FHIT: variants seen among roughly 807,000 people sequenced by gnomAD.
FHIT encodes bis(5'-adenosyl)-triphosphatase.
A neutral mutation model predicts 17.9 loss-of-function variants in FHIT; 19 were observed. The ratio of observed to expected loss-of-function variants is 1.06; its 90% CI spans 0.74 to 1.56. The LOEUF is 1.56. FHIT is among the 40% of genes most tolerant of loss of function. The pLI, the probability that FHIT is intolerant of heterozygous loss-of-function variation, is 0.00. For synonymous variants in FHIT, 81 were observed against 69.7 expected (o/e 1.16, Z -0.81); for missense variants, 248 against 189.2 (o/e 1.31, Z -1.82).
At chr3:60,988,912 CT>C (rs34551612) in intron 3 of FHIT, among the ~76,000 whole-genome samples, 20 of 80,318 alleles carry the variant, frequency 2.5e-4, no homozygotes, top group East Asian at 7.7e-4. Context: ...TGTTAAAAGG[CT>C]TTTTTTTTTT....
In FHIT at chr3:60,824,229, G is replaced by A. The variant is rs954867806; in HGVS notation, c.-110-2218C>T. ...TCCTGGTGAATAAAGGTGCTAGCCA[G>A]GTAGCACACAGGAGAGTGAAAACTG... On this transcript the variant is annotated intron_variant, in intron 3 of 9. Transcript: ENST00000492590. 2.6e-5 allele frequency among the ~76,000 whole-genome samples: 4 copies of A among 152,316 alleles called. No individual in the cohort carries two copies. The South Asian group carries it at 8.3e-4, about 32-fold the overall frequency.
intron 5 of FHIT, among the ~76,000 whole-genome samples, chr3:60,173,679 T>G (rs1701518005): frequency 6.6e-6 from 1 of 151,230 alleles, no homozygotes; most frequent in South Asian, 2.1e-4. Flanking sequence ...GCTGCAGAAT[T>G]TTGGAGAATT....
At chr3:60,101,998 T>C (rs1413526474) in intron 5 of FHIT, among the ~76,000 whole-genome samples, 5 of 152,222 alleles carry the variant, frequency 3.3e-5, no homozygotes, top group Non-Finnish European at 7.3e-5. Flanking sequence ...TCCTCTAGGA[T>C]TTCAAAAGAA....
At chr3:59,841,161 C>G (rs1701520423) in intron 8 of FHIT, among the ~76,000 whole-genome samples, 1 of 152,132 alleles carries the variant, frequency 6.6e-6, no homozygotes, top group South Asian at 2.1e-4. Flanking sequence ...ATGAAAAGGT[C>G]AGATGATCTT....
chr3:60,690,650 G>A (rs926640792), intron 4 of FHIT: 1 of 513,382 alleles, frequency 1.9e-6, no homozygotes. Context: ...TCTGCAAACA[G>A]CTCGAAGGAG....
chr3:60,011,718 T>A (rs1446312978), intron 6 of FHIT, among the ~76,000 whole-genome samples: 1 of 152,190 alleles, frequency 6.6e-6, no homozygotes, highest in Non-Finnish European at 1.5e-5. Flanking sequence ...AGGTGAAGTA[T>A]CACACCTTCT....
intron 5 of FHIT, among the ~76,000 whole-genome samples, chr3:60,170,043 T>C (rs1167975308): frequency 6.6e-6 from 1 of 152,184 alleles, no homozygotes; most frequent in Non-Finnish European, 1.5e-5. Context: ...TTTCACCTAC[T>C]CACAGTTCAC....
intron 5 of FHIT, among the ~76,000 whole-genome samples, chr3:60,344,383 C>A: frequency 6.6e-6 from 1 of 152,142 alleles, no homozygotes; most frequent in South Asian, 2.1e-4. Context: ...GCAGCTAATG[C>A]ATAGAAATAC....
chr3:60,281,756 T>C (rs1397828912), intron 5 of FHIT, among the ~76,000 whole-genome samples: 1 of 152,042 alleles, frequency 6.6e-6, no homozygotes, highest in Non-Finnish European at 1.5e-5. Flanking sequence ...GGAAAAATAC[T>C]AGATTTGAGT....
intron 2 of FHIT, among the ~76,000 whole-genome samples, chr3:61,093,029 G>C (rs540615837): frequency 1.3e-5 from 2 of 152,308 alleles, no homozygotes; most frequent in East Asian, 1.9e-4. Context: ...GGCACACAGA[G>C]CTAAGACAAA....
At chr3:60,806,276 A>C (rs1701384539) in intron 4 of FHIT, among the ~76,000 whole-genome samples, 1 of 152,300 alleles carries the variant, frequency 6.6e-6, no homozygotes, top group Middle Eastern at 3.4e-3. Context: ...TCTCCTGTTA[A>C]AGCCATTGCC....
chr3:60,933,578 G>T (rs949192286), intron 3 of FHIT, among the ~76,000 whole-genome samples: 1 of 152,180 alleles, frequency 6.6e-6, no homozygotes, highest in East Asian at 1.9e-4. Context: ...CGGGTGTGTA[G>T]AGTAGGAAGT....
At chr3:60,893,193 A>C (rs2107183929) in intron 3 of FHIT, among the ~76,000 whole-genome samples, 1 of 152,308 alleles carries the variant, frequency 6.6e-6, no homozygotes, top group South Asian at 2.1e-4. Flanking sequence ...CACACGGAGA[A>C]GAAACTCCAG....
At chr3:60,965,934 C>T (rs377290053) in intron 3 of FHIT, among the ~76,000 whole-genome samples, 39 of 152,298 alleles carry the variant, frequency 2.6e-4, no homozygotes, top group African/African-American at 8.4e-4. Flanking sequence ...TCTCAAACTC[C>T]GTGCTGGGAG....
At chr3:60,319,279 C>A (rs1463140489) in intron 5 of FHIT, among the ~76,000 whole-genome samples, 1 of 152,142 alleles carries the variant, frequency 6.6e-6, no homozygotes, top group Non-Finnish European at 1.5e-5. Context: ...CCCACCCACT[C>A]ACCCATCACC....
At chr3:60,936,927 C>T (rs1011986747) in intron 3 of FHIT, among the ~76,000 whole-genome samples, 4 of 152,082 alleles carry the variant, frequency 2.6e-5, no homozygotes, top group Non-Finnish European at 5.9e-5. Flanking sequence ...TTGATGAGGC[C>T]AAATTGTATT....
At chr3:60,185,501 C>A (rs1032578715) in intron 5 of FHIT, among the ~76,000 whole-genome samples, 11 of 152,142 alleles carry the variant, frequency 7.2e-5, no homozygotes, top group Non-Finnish European at 1.6e-4. Context: ...TGTAACAGAG[C>A]TTGTTTATTC....
intron 4 of FHIT, among the ~76,000 whole-genome samples, chr3:60,811,685 A>G (rs1246072838): frequency 6.6e-6 from 1 of 152,170 alleles, no homozygotes; most frequent in Non-Finnish European, 1.5e-5. Flanking sequence ...TGGAAATGAC[A>G]TAGAAAACCC....
chr3:60,390,669 T>C (rs576629141), intron 5 of FHIT, among the ~76,000 whole-genome samples: 2 of 152,028 alleles, frequency 1.3e-5, no homozygotes, highest in African/African-American at 4.8e-5. Flanking sequence ...GATCCTGACC[T>C]GGCGCACGCC....
Sources: allele counts gnomAD v4.1 joint callset (sites outside exome capture counted in the v4.1 genomes callset), GRCh38; gene constraint gnomAD v4.1.1; transcripts MANE v1.5; gene names NCBI Gene and HGNC (gene_info 2026-07-23, HGNC 2026-07-21).